The following TMEM59 variants were observed in gnomAD, a reference collection of about 807,000 sequenced individuals.
TMEM59 encodes dendritic cell factor 1.
In TMEM59, 44 loss-of-function variants were observed where a neutral mutation model predicts 42.2. The ratio of observed to expected loss-of-function variants is 1.04; its 90% CI spans 0.82 to 1.34. The LOEUF (loss-of-function observed/expected upper bound fraction) is 1.34. Among genes scored for constraint, TMEM59 ranks in the 40% most tolerant of loss-of-function variants. The probability of loss-of-function intolerance (pLI) is 0.00; values close to 1 mark genes in which losing one functional copy is unlikely to be tolerated. For synonymous variants in TMEM59, 148 were observed against 145.8 expected (o/e 1.02, Z -0.11); for missense variants, 359 against 382.8 (o/e 0.94, Z 0.52).
At chr1:54,048,891 T>G (rs1330781402) in intron 1 of TMEM59, among the ~76,000 whole-genome samples, 1 of 152,234 alleles carries the variant, frequency 6.6e-6, no homozygotes, top group Non-Finnish European at 1.5e-5. Context: ...CATTTACTGT[T>G]AAGATGAAAT....
intron 4 of TMEM59, among the ~76,000 whole-genome samples, chr1:54,042,052 TTTTG>T (rs965113522): frequency 3.1e-5 from 4 of 130,978 alleles, no homozygotes; most frequent in African/African-American, 7.6e-5. Flanking sequence ...CAACGTTTTG[TTTTG>T]TTTTTTTTTT....
chr1:54,044,096 A>G (rs925952860), intron 3 of TMEM59: 1 of 152,142 alleles, frequency 6.6e-6, no homozygotes, highest in Admixed American at 6.6e-5. Context: ...TAATCCCAGC[A>G]CTTTGGGAGG....
chr1:54,038,055 A>C (rs1293975249), intron 6 of TMEM59, among the ~76,000 whole-genome samples: 1 of 152,126 alleles, frequency 6.6e-6, no homozygotes, highest in Non-Finnish European at 1.5e-5. Flanking sequence ...TCCAGACCTC[A>C]TAATTTCTTC....
At chr1:54,047,577 T>C in intron 1 of TMEM59, 1 of 479,840 alleles carries the variant, frequency 2.1e-6, no homozygotes, top group South Asian at 2.9e-5. Flanking sequence ...TTAAAAGTGA[T>C]ACGAAGAAAA....
At chr1:54,032,395 G>A in intron 7 of TMEM59, 90 bp from the exon 8 acceptor site, 1 of 1,235,506 alleles carries the variant, frequency 8.1e-7, no homozygotes, top group Non-Finnish European at 1.1e-6. Flanking sequence ...TTTATAAATA[G>A]TTGGTAAAAA....
rs967395340 is a variant in TMEM59 at position 54,051,327 on chromosome 1, T to G, written c.189+1673A>C. On this transcript the variant is annotated intron_variant, in intron 1 of 7. Coordinates refer to ENST00000234831, the MANE Select transcript of TMEM59 (RefSeq NM_004872.5). Reference sequence around the variant, plus strand: ...TACTTTACAGGGTTGTTGTGAGAATTAGGGATAATGGTATGATAAATCTCC... The same window carrying G: ...TACTTTACAGGGTTGTTGTGAGAATGAGGGATAATGGTATGATAAATCTCC... Among the ~76,000 whole-genome samples, 8 of 152,288 alleles carry G rather than the reference T, an allele frequency of 5.3e-5. No individual in the cohort carries two copies. The East Asian group carries it at 1.5e-3, about 29-fold the overall frequency.
intron 7 of TMEM59, chr1:54,034,242 G>GCT (rs1232018233): frequency 3.9e-5 from 6 of 152,574 alleles, no homozygotes; most frequent in African/African-American, 1.4e-4. Context: ...AGGGCTGGAG[G>GCT]GTGAGATGGG....
intron 5 of TMEM59, 79 bp downstream of exon 5, chr1:54,041,645 A>G: frequency 8.4e-7 from 1 of 1,185,038 alleles, no homozygotes; most frequent in South Asian, 1.3e-5. Flanking sequence ...CATCAGTGTA[A>G]AAACAAACAT....
intron 1 of TMEM59, among the ~76,000 whole-genome samples, chr1:54,051,701 G>A (rs1156448276): frequency 6.6e-6 from 1 of 152,168 alleles, no homozygotes; most frequent in Non-Finnish European, 1.5e-5. Context: ...TCCTCTTAAT[G>A]ATGAGAAGTT....
At chr1:54,043,308 T>C in intron 4 of TMEM59, 65 bp downstream of exon 4, 1 of 1,300,566 alleles carries the variant, frequency 7.7e-7, no homozygotes. Flanking sequence ...GCTGAAACAC[T>C]CATTTAAGAC....
rs546518093 is a variant in TMEM59 at position 54,030,113 on chromosome 1, G to C, written c.*2037C>G. 1 of 151,594 alleles carries C rather than the reference G, an allele frequency of 6.6e-6. No individual in the cohort carries two copies. Among genetic ancestry groups the C allele is most frequent in the Non-Finnish European group, 1.5e-5 (1 of 67,962 alleles). The allele number at this position is 151,594 out of a possible 1,614,324, so 9.4% of individuals were successfully genotyped here. A position where few individuals can be genotyped will look rare whatever the true frequency, so the allele number is the denominator to read the frequency against. ...AGAGAAATGAAACCAAGGGAAGGTGGAGAATATAGGACAACTGTACAGTTG... is the reference window on the plus strand; with the variant it reads ...AGAGAAATGAAACCAAGGGAAGGTGCAGAATATAGGACAACTGTACAGTTG... On this transcript the variant is annotated 3_prime_UTR_variant, in exon 8 of 8. Transcript: ENST00000234831.
chr1:54,038,234 CAGG>C (rs1463567728), intron 6 of TMEM59, among the ~76,000 whole-genome samples: 1 of 152,128 alleles, frequency 6.6e-6, no homozygotes, highest in Non-Finnish European at 1.5e-5. Context: ...ACACATTGAG[CAGG>C]AGGCCAGTAT....
intron 1 of TMEM59, among the ~76,000 whole-genome samples, chr1:54,052,029 C>A (rs901324198): frequency 1.3e-5 from 2 of 152,102 alleles, no homozygotes; most frequent in Non-Finnish European, 2.9e-5. Flanking sequence ...GGAGGTCCAG[C>A]CACAATGGTT....
Position 54,026,829 on chromosome 1 carries a change from T to C in TMEM59, c.*5321A>G, listed in dbSNP as rs1656613621. ...GAGCTTTTGTTGAAACCTTTCATTT[T>C]CAATCAGGTGCTGATTTTTTTCCAC... On this transcript the variant is annotated 3_prime_UTR_variant, in exon 8 of 8. Transcript: ENST00000234831. The C allele has an allele frequency of 6.6e-6, 1 of 152,244 alleles. No homozygotes were observed. The allele number at this position is 152,244 out of a possible 1,614,324, so 9.4% of individuals were successfully genotyped here. A position where few individuals can be genotyped will look rare whatever the true frequency, so the allele number is the denominator to read the frequency against.
In TMEM59 at chr1:54,043,427, G is replaced by A. The variant is rs762483855; in HGVS notation, c.489C>T (p.Thr163=). Residue 163 remains threonine (T), a synonymous_variant, in exon 4 of 8, where the codon ACC becomes ACT. Coordinates refer to ENST00000234831, the MANE Select transcript of TMEM59 (RefSeq NM_004872.5). The part of the protein sequence containing the change: ...DMMDSAQSFI[T]SSWTFYLQAD... ...CTTGAAGATAAAAAGTCCATGAAGAGGTTATGAAGCTCTGTGCGGAGTCCA... is the reference window on the plus strand; with the variant it reads ...CTTGAAGATAAAAAGTCCATGAAGAAGTTATGAAGCTCTGTGCGGAGTCCA... 24 of 1,582,610 alleles carry A rather than the reference G, an allele frequency of 1.5e-5. No individual in the cohort carries two copies. The South Asian group carries it at 1.9e-4, about 12-fold the overall frequency.
chr1:54,033,122 T>C (rs905125998), intron 7 of TMEM59: 12 of 148,424 alleles, frequency 8.1e-5, no homozygotes, highest in African/African-American at 3.1e-4. Context: ...TTTCTTTTTT[T>C]TTTCTTTCTT....
Position 54,043,510 on chromosome 1 carries a change from G to T in TMEM59, c.406C>A (p.Pro136Thr). 6.6e-7 allele frequency: 1 copy of T among 1,504,970 alleles called. No homozygotes were observed. The allele number at this position is 1,504,970 out of a possible 1,614,324, so 93.2% of individuals were successfully genotyped here. Residue 136 changes from proline (P) to threonine (T), a missense_variant, in exon 4 of 8, where the codon CCA becomes ACA. Coordinates refer to ENST00000234831, the MANE Select transcript of TMEM59 (RefSeq NM_004872.5). ...AGAGGAAAGAGTAGGTGCATTTTTGGCATCAGGGACATAAGCTAAAAATAA... is the reference window on the plus strand; with the variant it reads ...AGAGGAAAGAGTAGGTGCATTTTTGTCATCAGGGACATAAGCTAAAAATAA... ...LRQEQLMSLM[P>T]KMHLLFPLTL... is the part of the protein sequence containing the mutation.
At position 54,030,693 on chromosome 1, in the gene TMEM59, G is replaced by A. The variant is rs1366749856; in HGVS notation, c.*1457C>T. 6.6e-5 allele frequency: 10 copies of A among 152,186 alleles called. No individual in the cohort carries two copies. 9.4% of individuals were successfully genotyped at this position (152,186 alleles called of 1,614,324 possible). ...TTCCTCCTTTCTTCCCCATCTGGAT[G>A]TGTTCACAACTTTCTATCATCCAAA... On this transcript the variant is annotated 3_prime_UTR_variant, in exon 8 of 8. Coordinates refer to ENST00000234831, the MANE Select transcript of TMEM59 (RefSeq NM_004872.5).
chr1:54,035,394 T>C (rs1656909528), intron 7 of TMEM59, among the ~76,000 whole-genome samples: 7 of 152,232 alleles, frequency 4.6e-5, no homozygotes, highest in Admixed American at 4.6e-4. Flanking sequence ...TTGACAGCCA[T>C]TATTATTCTA....
Sources: allele counts gnomAD v4.1 joint callset (sites outside exome capture counted in the v4.1 genomes callset), GRCh38; gene constraint gnomAD v4.1.1; transcripts MANE v1.5; gene names NCBI Gene and HGNC (gene_info 2026-07-23, HGNC 2026-07-21).